DBX2: variants seen among roughly 807,000 people sequenced by gnomAD.
DBX2 encodes developing brain homeobox 2, also known as homeobox protein DBX2.
In DBX2, 16 loss-of-function variants were observed where a neutral mutation model predicts 17.7. That is an observed-to-expected ratio of 0.90 (90% CI 0.61 to 1.37). DBX2 has a LOEUF of 1.37. Ranked by LOEUF, DBX2 falls within the 40% of genes most tolerant of loss-of-function variation. DBX2 has a pLI of 0.00. For missense variants in DBX2, 538 were observed against 433.8 expected (o/e 1.24, Z -2.13); for synonymous variants, 255 against 183.8 (o/e 1.39, Z -3.13).
intron 1 of DBX2, among the ~76,000 whole-genome samples, chr12:45,042,021 G>C (rs1325322580): frequency 6.6e-6 from 1 of 152,136 alleles, no homozygotes; most frequent in Non-Finnish European, 1.5e-5. Flanking sequence ...CATTAGAATT[G>C]TCTGGGCTGC....
At chr12:45,046,641 A>G (rs543505334) in intron 1 of DBX2, among the ~76,000 whole-genome samples, 16 of 152,278 alleles carry the variant, frequency 1.1e-4, no homozygotes, top group African/African-American at 3.8e-4. Context: ...ATTTTATTTC[A>G]CACTTTCAGT....
intron 2 of DBX2, among the ~76,000 whole-genome samples, chr12:45,025,582 C>T (rs1239991061): frequency 6.6e-6 from 1 of 151,492 alleles, no homozygotes; most frequent in Admixed American, 6.6e-5. Context: ...ACATAGTTCC[C>T]ACCCTAAAGG....
chr12:45,016,782 T>C (rs966073473), intron 3 of DBX2, among the ~76,000 whole-genome samples, 164 bp from the exon 4 acceptor site: 2 of 151,958 alleles, frequency 1.3e-5, no homozygotes, highest in Admixed American at 1.3e-4. Flanking sequence ...TTCAAAAATA[T>C]CCCATTGTAT....
At position 45,018,348 on chromosome 12, in the gene DBX2, T is replaced by C. The variant is rs952954361; in HGVS notation, c.688-1730A>G. On this transcript the variant is annotated intron_variant, in intron 3 of 3. Coordinates refer to ENST00000332700, the MANE Select transcript of DBX2 (RefSeq NM_001004329.3). ...GTCAAGTGATATCTCAAAGAAAAAA[T>C]ACATAAAAGGAGTTTCCTCACAATC... Among the ~76,000 whole-genome samples the C allele has an allele frequency of 1.1e-4, 17 of 152,230 alleles. No individual in the cohort carries two copies. The East Asian group carries it at 2.7e-3, about 24-fold the overall frequency.
chr12:45,051,030 G>T lies in DBX2; in HGVS notation c.-103C>A. 1 of 1,284,962 alleles carries T rather than the reference G, an allele frequency of 7.8e-7. No homozygotes were observed. The allele number at this position is 1,284,962 out of a possible 1,614,324, so 79.6% of individuals were successfully genotyped here. ...CCGCAGCTTCTCGCCGCCGCCTCCCGCAGGGCTGGAGCGCGCGGAGCCAGG... is the reference window on the plus strand; with the variant it reads ...CCGCAGCTTCTCGCCGCCGCCTCCCTCAGGGCTGGAGCGCGCGGAGCCAGG... On this transcript the variant is annotated 5_prime_UTR_variant, in exon 1 of 4. Coordinates refer to ENST00000332700, the MANE Select transcript of DBX2 (RefSeq NM_001004329.3).
At position 45,016,122 on chromosome 12, in the gene DBX2, G is replaced by A; in HGVS notation, c.*164C>T. On this transcript the variant is annotated 3_prime_UTR_variant, in exon 4 of 4. Coordinates refer to ENST00000332700, the MANE Select transcript of DBX2 (RefSeq NM_001004329.3). ...ACTTACAAATTAAGCCTGAGTCTAGGGCCAAACAAGAGAACACTAGAGTGG... is the reference window on the plus strand; with the variant it reads ...ACTTACAAATTAAGCCTGAGTCTAGAGCCAAACAAGAGAACACTAGAGTGG... 1 of 654,846 alleles carries A rather than the reference G, an allele frequency of 1.5e-6. No individual in the cohort carries two copies. The highest frequency in any genetic ancestry group is 2.4e-6 in the Non-Finnish European group (1 of 422,554). The allele number at this position is 654,846 out of a possible 1,614,324, so 40.6% of individuals were successfully genotyped here. A position where few individuals can be genotyped will look rare whatever the true frequency, so the allele number is the denominator to read the frequency against.
chr12:45,031,225 T>TGTGTGTGTGTGTGTGAGAGA (rs1377897653), intron 2 of DBX2, among the ~76,000 whole-genome samples: 7 of 85,654 alleles, frequency 8.2e-5, no homozygotes, highest in African/African-American at 4.6e-5. Context: ...TGTGTGTGTG[T>TGTGTGTGTGTGTGTGAGAGA]GAGAGAGAGA....
At chr12:45,042,310 G>T (rs1946475854) in intron 1 of DBX2, among the ~76,000 whole-genome samples, 1 of 152,108 alleles carries the variant, frequency 6.6e-6, no homozygotes, top group African/African-American at 2.4e-5. Context: ...AGAATAAAAA[G>T]AAAAGGATAT....
intron 1 of DBX2, among the ~76,000 whole-genome samples, chr12:45,043,245 GA>G (rs774202134): frequency 2.0e-5 from 3 of 152,168 alleles, no homozygotes; most frequent in Non-Finnish European, 4.4e-5. Flanking sequence ...TTCTTCCTTT[GA>G]ATTTGGAATG....
chr12:45,047,819 A>G (rs1946508168), intron 1 of DBX2, among the ~76,000 whole-genome samples: 1 of 152,198 alleles, frequency 6.6e-6, no homozygotes, highest in Admixed American at 6.5e-5. Context: ...AAGTTCATAT[A>G]TGATTAAAGT....
At chr12:45,036,613 G>T (rs1347399875) in intron 1 of DBX2, among the ~76,000 whole-genome samples, 1 of 152,088 alleles carries the variant, frequency 6.6e-6, no homozygotes, top group Non-Finnish European at 1.5e-5. Flanking sequence ...AAATAGCACA[G>T]CTCTAGATAT....
In DBX2 at chr12:45,050,692, C is replaced by A; in HGVS notation, c.236G>T (p.Ser79Ile). 1 of 1,532,186 alleles carries A rather than the reference C, an allele frequency of 6.5e-7. No individual in the cohort carries two copies. Among genetic ancestry groups the A allele is most frequent in the African/African-American group, 1.4e-5 (1 of 70,336 alleles). The allele number at this position is 1,532,186 out of a possible 1,614,324, so 94.9% of individuals were successfully genotyped here. A position where few individuals can be genotyped will look rare whatever the true frequency, so the allele number is the denominator to read the frequency against. The change falls in exon 1 of 4, where the codon AGC becomes ATC. Residue 79 changes from serine to isoleucine, a missense_variant. By Grantham distance (142) the Ser-to-Ile change is moderately radical. Transcript: ENST00000332700. ...GGGGCACAGCTTTAGGGGAACTGGG[C>A]TAGCAGGCAGGGGCCGGAGCTGCGC... ...AGAQLRPLPASPVPLKLCPAA... is the reference protein window; with the variant it reads ...AGAQLRPLPAIPVPLKLCPAA...
chr12:45,040,724 A>T (rs983757788), intron 1 of DBX2, among the ~76,000 whole-genome samples: 6 of 152,232 alleles, frequency 3.9e-5, no homozygotes, highest in Admixed American at 3.3e-4. Flanking sequence ...AGTATCCCAT[A>T]GCCAAGCAAG....
chr12:45,033,870 A>G (rs553728799), intron 2 of DBX2, among the ~76,000 whole-genome samples: 3 of 152,288 alleles, frequency 2.0e-5, no homozygotes, highest in African/African-American at 7.2e-5. Context: ...AAACACTATA[A>G]TTTACAAGAA....
At chr12:45,025,666 T>C (rs1946377444) in intron 2 of DBX2, among the ~76,000 whole-genome samples, 4 of 150,778 alleles carry the variant, frequency 2.7e-5, no homozygotes, top group Admixed American at 1.3e-4. Context: ...GCAGCTACTA[T>C]GTAACATAGC....
intron 1 of DBX2, among the ~76,000 whole-genome samples, chr12:45,038,880 G>A (rs1038538850): frequency 9.9e-5 from 15 of 151,872 alleles, no homozygotes; most frequent in Admixed American, 2.0e-4. Context: ...TAAAAAAGCT[G>A]TAATCAAAAT....
chr12:45,016,113 T>C lies in DBX2; in HGVS notation c.*173A>G, dbSNP rs1365888788. The C allele has an allele frequency of 5.1e-6, 3 of 583,830 alleles. No homozygotes were observed. The highest frequency in any genetic ancestry group is 6.5e-5 in the East Asian group (2 of 30,750). 36.2% of individuals were successfully genotyped at this position (583,830 alleles called of 1,614,324 possible). On this transcript the variant is annotated 3_prime_UTR_variant, in exon 4 of 4. Coordinates refer to ENST00000332700, the MANE Select transcript of DBX2 (RefSeq NM_001004329.3). ...TTCTATTCCACTTACAAATTAAGCC[T>C]GAGTCTAGGGCCAAACAAGAGAACA...
chr12:45,038,503 A>ATG (rs1251747110), intron 1 of DBX2, among the ~76,000 whole-genome samples: 2 of 151,078 alleles, frequency 1.3e-5, no homozygotes, highest in African/African-American at 2.4e-5. Context: ...TGTATGCAAT[A>ATG]TGTGTGTGTG....
chr12:45,028,629 C>T (rs1387257550), intron 2 of DBX2, among the ~76,000 whole-genome samples: 1 of 152,064 alleles, frequency 6.6e-6, no homozygotes, highest in Non-Finnish European at 1.5e-5. Context: ...TTATTCTCAC[C>T]ACTGTGATAT....
Sources: allele counts gnomAD v4.1 joint callset (sites outside exome capture counted in the v4.1 genomes callset), GRCh38; gene constraint gnomAD v4.1.1; transcripts MANE v1.5; gene names NCBI Gene and HGNC (gene_info 2026-07-23, HGNC 2026-07-21).